Variants in PTK2 observed in about 807,000 individuals in gnomAD.
The protein encoded by PTK2 is protein tyrosine kinase 2, also known as focal adhesion kinase 1.
Under a neutral mutation model 150.1 loss-of-function variants are expected in PTK2, and 45 were observed. That is an observed-to-expected ratio of 0.30 (90% CI 0.24 to 0.38). PTK2 has a LOEUF of 0.38. PTK2 is among the 10% of genes least tolerant of loss of function. PTK2 has a pLI of 1.00. For missense variants in PTK2, 919 were observed against 1,307.3 expected (o/e 0.70, Z 4.58); for synonymous variants, 432 against 449.2 (o/e 0.96, Z 0.48).
intron 16 of PTK2, among the ~76,000 whole-genome samples, chr8:140,755,626 A>G (rs1473204719): frequency 6.6e-6 from 1 of 151,784 alleles, no homozygotes. Context: ...TTGACCTCCC[A>G]TTTTCCATGC....
Position 140,879,680 on chromosome 8 carries a change from A to AC in PTK2, c.196-44_196-43insG. 2 of 1,218,700 alleles carry AC rather than the reference A, an allele frequency of 1.6e-6. 1 individual carries two copies. The highest frequency in any genetic ancestry group is 2.1e-6 in the Non-Finnish European group (2 of 943,892). The allele number at this position is 1,218,700 out of a possible 1,614,324, so 75.5% of individuals were successfully genotyped here. Reference sequence around the variant, plus strand: ...CAAGAATGACTGTTATAAACTGAAAAAAAAAAAAAAAAAAAAAAAAACCAA... The same window carrying AC: ...CAAGAATGACTGTTATAAACTGAAAACAAAAAAAAAAAAAAAAAAAAACCAA... On this transcript the variant is annotated intron_variant, in intron 3 of 31. Transcript: ENST00000522684.
chr8:140,984,172 C>A lies in PTK2; in HGVS notation c.-122+16953G>T, dbSNP rs13250222. The A allele has an allele frequency of 0.43, 64,824 of 150,532 alleles. 15,494 individuals are homozygous for A. The highest frequency in any genetic ancestry group is 0.55 in the Non-Finnish European group (37,366 of 67,752). The allele number at this position is 150,532 out of a possible 1,614,324, so 9.3% of individuals were successfully genotyped here. A position where few individuals can be genotyped will look rare whatever the true frequency, so the allele number is the denominator to read the frequency against. On this transcript the variant is annotated intron_variant, in intron 1 of 31. Transcript: ENST00000522684. ...AGCAAGACTCTGTCTCAAAAAAAAACAAAAAAAAAAGACTAAGCATTACAT... is the reference window on the plus strand; with the variant it reads ...AGCAAGACTCTGTCTCAAAAAAAAAAAAAAAAAAAAGACTAAGCATTACAT...
At chr8:140,944,141 A>C (rs187635160) in intron 1 of PTK2, among the ~76,000 whole-genome samples, 5 of 152,286 alleles carry the variant, frequency 3.3e-5, no homozygotes, top group Admixed American at 3.3e-4. Context: ...GTAAGATCCT[A>C]TGCAAAGTTG....
chr8:140,976,857 C>T (rs1182871722), intron 1 of PTK2, among the ~76,000 whole-genome samples: 1 of 152,042 alleles, frequency 6.6e-6, no homozygotes, highest in Non-Finnish European at 1.5e-5. Context: ...AAGATTTTAG[C>T]CAAATTCTAC....
chr8:140,922,277 T>C (rs1198217533), intron 2 of PTK2, among the ~76,000 whole-genome samples: 2 of 152,060 alleles, frequency 1.3e-5, no homozygotes, highest in Non-Finnish European at 2.9e-5. Flanking sequence ...AAGTGACCTC[T>C]TCTATGCTCC....
At chr8:140,941,533 C>G (rs920182255) in intron 1 of PTK2, among the ~76,000 whole-genome samples, 12 of 152,146 alleles carry the variant, frequency 7.9e-5, no homozygotes, top group Admixed American at 2.6e-4. Flanking sequence ...AAATGATGAG[C>G]TCATCATTTA....
chr8:140,877,055 CAG>C (rs2100146022), intron 4 of PTK2, among the ~76,000 whole-genome samples: 2 of 98,278 alleles, frequency 2.0e-5, no homozygotes, highest in African/African-American at 8.3e-5. Context: ...TTTTTTGAGA[CAG>C]AGTCTTACTC....
intron 1 of PTK2, among the ~76,000 whole-genome samples, chr8:140,944,099 A>G (rs1276234112): frequency 1.3e-5 from 2 of 152,182 alleles, no homozygotes; most frequent in African/African-American, 4.8e-5. Context: ...GAAAGAAAAA[A>G]CACTCATCCC....
intron 14 of PTK2, among the ~76,000 whole-genome samples, chr8:140,782,277 C>T (rs1447335987): frequency 6.9e-6 from 1 of 144,050 alleles, no homozygotes; most frequent in African/African-American, 2.6e-5. Context: ...AGGGTCCTCT[C>T]TTTGTCACCC....
intron 22 of PTK2, among the ~76,000 whole-genome samples, chr8:140,725,525 G>A (rs2100045229): frequency 1.3e-5 from 2 of 152,316 alleles, no homozygotes; most frequent in East Asian, 1.9e-4. Context: ...GAAGGCAGGC[G>A]CCAGTGTTAC....
At chr8:140,834,224 G>A (rs2100117292) in intron 7 of PTK2, among the ~76,000 whole-genome samples, 2 of 152,288 alleles carry the variant, frequency 1.3e-5, no homozygotes, top group South Asian at 4.2e-4. Flanking sequence ...AGGCTCCTCA[G>A]TAAGCACAGG....
intron 23 of PTK2, among the ~76,000 whole-genome samples, chr8:140,710,626 G>A (rs1190757330): frequency 1.3e-5 from 2 of 150,334 alleles, no homozygotes; most frequent in Non-Finnish European, 3.0e-5. Flanking sequence ...AGCCGAGATC[G>A]CACCATGGCA....
At chr8:140,953,477 C>A (rs978080201) in intron 1 of PTK2, among the ~76,000 whole-genome samples, 1 of 152,080 alleles carries the variant, frequency 6.6e-6, no homozygotes, top group African/African-American at 2.4e-5. Flanking sequence ...GACTAACAGG[C>A]GGGCAGCATA....
chr8:140,879,960 T>C (rs1392898754), intron 3 of PTK2, among the ~76,000 whole-genome samples: 4 of 152,184 alleles, frequency 2.6e-5, no homozygotes, highest in African/African-American at 7.2e-5. Flanking sequence ...TCCACTGTCA[T>C]CACCCCCCAA....
At chr8:140,882,772 T>C (rs1213806696) in intron 3 of PTK2, among the ~76,000 whole-genome samples, 2 of 152,210 alleles carry the variant, frequency 1.3e-5, no homozygotes, top group Non-Finnish European at 2.9e-5. Flanking sequence ...CTTCTAGCTG[T>C]CATCAAAGGT....
At chr8:140,835,016 C>A (rs2100117856) in intron 7 of PTK2, among the ~76,000 whole-genome samples, 1 of 152,186 alleles carries the variant, frequency 6.6e-6, no homozygotes, top group Admixed American at 6.5e-5. Flanking sequence ...AGTGGCCATC[C>A]AGAATGCTGC....
At position 140,700,927 on chromosome 8, in the gene PTK2, T is replaced by A. The variant is rs1040697891; in HGVS notation, c.2463A>T (p.Glu821Asp). Residue 821 changes from glutamate (E) to aspartate (D), a missense_variant, in exon 26 of 32, where the codon GAA becomes GAT. By Grantham distance (45) the Glu-to-Asp change is conservative. Coordinates refer to ENST00000522684, the Ensembl canonical transcript of PTK2. The stretch of plus-strand genomic sequence containing the variant: ...CCTCTTTTTCCAGCCAGCGCTGATC[T>A]TCTTCCATTTCCTGTTGCTGTCGGA... The A allele has an allele frequency of 2.5e-6, 4 of 1,613,886 alleles. No homozygotes were observed. The African/African-American group carries it at 4.0e-5, about 16-fold the overall frequency.
chr8:140,717,730 C>A, intron 22 of PTK2, 21 bp from the exon 26 acceptor site: 1 of 1,601,758 alleles, frequency 6.2e-7, no homozygotes, highest in South Asian at 1.1e-5. Flanking sequence ...AACACATTGT[C>A]TTAGGGGAGC....
At chr8:140,743,780 C>CTTTTT (rs1187773634) in intron 19 of PTK2, among the ~76,000 whole-genome samples, 1 of 138,966 alleles carries the variant, frequency 7.2e-6, no homozygotes. Flanking sequence ...TTTTTCTTTT[C>CTTTTT]TTTTTTTTTT....
Sources: gnomAD v4.1 joint callset for allele counts (sites outside exome capture counted in the v4.1 genomes callset) on GRCh38, gnomAD v4.1.1 for gene constraint, MANE v1.5 for transcripts, NCBI Gene and HGNC (gene_info 2026-07-23, HGNC 2026-07-21) for gene names.